The following SRARP variants were observed in gnomAD, a reference collection of about 807,000 sequenced individuals.
SRARP encodes the protein steroid receptor-associated and regulated protein.
SRARP carries 5 observed loss-of-function variants against 3.6 expected under a neutral mutation model. That is an observed-to-expected ratio of 1.39 (90% CI 0.73 to 2.93). The LOEUF is 2.93. SRARP is among the 30% of genes most tolerant of loss of function. The probability of loss-of-function intolerance (pLI) is 0.00; values close to 1 mark genes in which losing one functional copy is unlikely to be tolerated. For missense variants in SRARP, 215 were observed against 216.7 expected (o/e 0.99, Z 0.05); for synonymous variants, 96 against 91.6 (o/e 1.05, Z -0.27).
Position 16,006,459 on chromosome 1 carries a change from G to T in SRARP, c.*113G>T. 8.4e-7 allele frequency: 1 copy of T among 1,190,996 alleles called. No homozygotes were observed. The highest frequency in any genetic ancestry group is 1.2e-6 in the Non-Finnish European group (1 of 863,924). 73.8% of individuals were successfully genotyped at this position (1,190,996 alleles called of 1,614,324 possible). A position where few individuals can be genotyped will look rare whatever the true frequency, so the allele number is the denominator to read the frequency against. ...GAGCCAAGGAAACATCATTAGATCC[G>T]CTAAGGGGCATCTGAAACATCCGTC... On this transcript the variant is annotated 3_prime_UTR_variant, in exon 2 of 2. Transcript: ENST00000329454.
intron 1 of SRARP, 99 bp from the exon 2 acceptor site, chr1:16,005,820 G>C (rs1018627868): frequency 8.1e-7 from 1 of 1,235,996 alleles, no homozygotes; most frequent in African/African-American, 1.5e-5. Flanking sequence ...GCTGCAGTGA[G>C]CCATGACCTC....
At chr1:16,004,542 A>G (rs1478562271) in intron 1 of SRARP, among the ~76,000 whole-genome samples, 157 bp downstream of exon 1, 1 of 151,942 alleles carries the variant, frequency 6.6e-6, no homozygotes, top group Non-Finnish European at 1.5e-5. Context: ...GTGAAACCCC[A>G]TATCTGCTAA....
rs1186073348 is a variant in SRARP at position 16,006,132 on chromosome 1, G to T, written c.296G>T (p.Gly99Val). ...CATCTGACTCGGGTGACCCCCATGGGTGGGGGATGCCTTGCCCAGGCCAGG... is the reference window on the plus strand; with the variant it reads ...CATCTGACTCGGGTGACCCCCATGGTTGGGGGATGCCTTGCCCAGGCCAGG... ...WPHLTRVTPM[G>V]GGCLAQARAT... Residue 99 changes from glycine (G) to valine (V), a missense_variant, in exon 2 of 2, where the codon GGT becomes GTT. Transcript: ENST00000329454. The T allele has an allele frequency of 1.2e-6, 2 of 1,613,872 alleles. No individual in the cohort carries two copies. The highest frequency in any genetic ancestry group is 1.7e-5 in the Admixed American group (1 of 60,022).
In SRARP at chr1:16,004,362, A is replaced by C; in HGVS notation, c.59A>C (p.Glu20Ala). Residue 20 changes from glutamate (E) to alanine (A), a missense_variant, in exon 1 of 2, where the codon GAG becomes GCG. Glu to Ala is a moderately radical substitution (Grantham distance 107, BLOSUM62 -1). Transcript: ENST00000329454. Reference protein sequence around the residue: ...WRANLKGTIRETGLETSSGGK... With the variant: ...WRANLKGTIRATGLETSSGGK... ...GCCAACCTCAAAGGCACCATCCGTG[A>C]GACAGGCCTGGAGACCAGCTCCGGT... 6.2e-7 allele frequency: 1 copy of C among 1,608,728 alleles called. No individual in the cohort carries two copies. Among genetic ancestry groups the C allele is most frequent in the Non-Finnish European group, 8.5e-7 (1 of 1,177,942 alleles).
chr1:16,005,252 T>C (rs1425631193), intron 1 of SRARP, among the ~76,000 whole-genome samples: 1 of 152,150 alleles, frequency 6.6e-6, no homozygotes, highest in Non-Finnish European at 1.5e-5. Context: ...ACTGTGCTTT[T>C]CATAATATGG....
rs995919471 is a variant in SRARP at position 16,008,668 on chromosome 1, GTGGTGGGCACCTA to G, written c.*2324_*2336del. 2 of 152,244 alleles carry G rather than the reference GTGGTGGGCACCTA, an allele frequency of 1.3e-5. No individual in the cohort carries two copies. Among genetic ancestry groups the G allele is most frequent in the Non-Finnish European group, 2.9e-5 (2 of 68,062 alleles). The allele number at this position is 152,244 out of a possible 1,614,324, so 9.4% of individuals were successfully genotyped here. The stretch of plus-strand genomic sequence containing the variant: ...AAAATATAAAAATTAGCTGGGCGTG[GTGGTGGGCACCTA>G]TAATCCCAGCTACTTGGGAAGCTGA... On this transcript the variant is annotated 3_prime_UTR_variant, in exon 2 of 2. Coordinates refer to ENST00000329454, the MANE Select transcript of SRARP (RefSeq NM_178840.4).
intron 1 of SRARP, among the ~76,000 whole-genome samples, chr1:16,005,176 G>T (rs2073120007): frequency 6.6e-6 from 1 of 152,160 alleles, no homozygotes; most frequent in Admixed American, 6.5e-5. Context: ...ACCAACACTT[G>T]TGCAGGCTGA....
chr1:16,004,688 T>G (rs1287578787), intron 1 of SRARP, among the ~76,000 whole-genome samples: 10 of 121,862 alleles, frequency 8.2e-5, no homozygotes, highest in Non-Finnish European at 1.6e-5. Flanking sequence ...CACTCCAGCC[T>G]GAGCAACAGT....
Position 16,004,356 on chromosome 1 carries a change from T to A in SRARP, c.53T>A (p.Ile18Asn), listed in dbSNP as rs1389567842. The change falls in exon 1 of 2, where the codon ATC (isoleucine) becomes AAC (asparagine). Residue 18 changes from isoleucine to asparagine, a missense_variant. By Grantham distance (149) the Ile-to-Asn change is moderately radical (BLOSUM62 -3). Coordinates refer to ENST00000329454, the MANE Select transcript of SRARP (RefSeq NM_178840.4). ...RDWRANLKGT[I>N]RETGLETSSG... The stretch of plus-strand genomic sequence containing the variant: ...TGGAGAGCCAACCTCAAAGGCACCA[T>A]CCGTGAGACAGGCCTGGAGACCAGC... The A allele has an allele frequency of 1.9e-6, 3 of 1,609,148 alleles. No homozygotes were observed. The South Asian group carries it at 3.3e-5, about 18-fold the overall frequency.
rs780003949 is a variant in SRARP, at chr1:16,006,287, G to T, written c.451G>T (p.Gly151Ter). ...KAAPVRSSTWGTVKDSLKALS... is the reference protein window; with the variant it reads ...KAAPVRSSTW ...TGCGCCTGTGAGGTCTTCAACTTGG[G>T]GAACAGTCAAGGACTCACTGAAAGC... The change falls in exon 2 of 2, where the codon GGA becomes TGA. Residue 151 changes from glycine to a stop codon, truncating the protein, a stop_gained. Coordinates refer to ENST00000329454, the MANE Select transcript of SRARP (RefSeq NM_178840.4). LOFTEE classifies it high-confidence loss of function. 14 of 1,613,528 alleles carry T rather than the reference G, an allele frequency of 8.7e-6. No individual in the cohort carries two copies. The East Asian group carries it at 3.1e-4, about 36-fold the overall frequency.
intron 1 of SRARP, among the ~76,000 whole-genome samples, chr1:16,005,380 T>C (rs757490327): frequency 6.6e-6 from 1 of 152,124 alleles, no homozygotes; most frequent in Non-Finnish European, 1.5e-5. Flanking sequence ...AGGCAGCTCA[T>C]GGGAACAGCA....
rs748058881 is a variant in SRARP at position 16,006,314 on chromosome 1, C to G, written c.478C>G (p.Leu160Val). The change falls in exon 2 of 2, where the codon CTC becomes GTC. Residue 160 changes from leucine (L) to valine (V), a missense_variant. Coordinates refer to ENST00000329454, the MANE Select transcript of SRARP (RefSeq NM_178840.4). ...WGTVKDSLKA[L>V]SSCVCGQAD The stretch of plus-strand genomic sequence containing the variant: ...AACAGTCAAGGACTCACTGAAAGCC[C>G]TCTCCTCTTGTGTCTGTGGGCAGGC... 6.2e-7 allele frequency: 1 copy of G among 1,607,884 alleles called. No individual in the cohort carries two copies. Among genetic ancestry groups the G allele is most frequent in the Non-Finnish European group, 8.5e-7 (1 of 1,177,830 alleles).
rs1416007373 is a variant in SRARP, at chr1:16,006,064, A to C, written c.228A>C (p.Pro76=). ...GTCCCAATCGAGGGCTTGTCACCCC[A>C]CCAATGAAGACCTACATCGTGTTCT... ...APSPNRGLVT[P]PMKTYIVFCG... Residue 76 remains proline (P), a synonymous_variant, in exon 2 of 2, where the codon CCA becomes CCC. Transcript: ENST00000329454. The C allele has an allele frequency of 8.1e-6, 13 of 1,613,508 alleles. No homozygotes were observed. The highest frequency in any genetic ancestry group is 1.0e-5 in the Non-Finnish European group (12 of 1,179,892).
chr1:16,006,131 G>C lies in SRARP; in HGVS notation c.295G>C (p.Gly99Arg). The C allele has an allele frequency of 1.2e-6, 2 of 1,613,836 alleles. No individual in the cohort carries two copies. Among genetic ancestry groups the C allele is most frequent in the Non-Finnish European group, 1.7e-6 (2 of 1,179,942 alleles). ...WPHLTRVTPM[G>R]GGCLAQARAT... is the part of the protein sequence containing the mutation. The stretch of plus-strand genomic sequence containing the variant: ...CCATCTGACTCGGGTGACCCCCATG[G>C]GTGGGGGATGCCTTGCCCAGGCCAG... Residue 99 changes from glycine (G) to arginine (R), a missense_variant, in exon 2 of 2, where the codon GGT (glycine) becomes CGT (arginine). Gly to Arg is a moderately radical substitution (Grantham distance 125, BLOSUM62 -2). Transcript: ENST00000329454.
chr1:16,004,303 C>G lies in SRARP; in HGVS notation c.-1C>G. ...AGCTAGGCAGGCGCCGAAGTAGCCG[C>G]ATGGCCCCGTCAGAAGACCCCAGGG... On this transcript the variant is annotated 5_prime_UTR_variant, in exon 1 of 2. Coordinates refer to ENST00000329454, the MANE Select transcript of SRARP (RefSeq NM_178840.4). 1 of 1,598,902 alleles carries G rather than the reference C, an allele frequency of 6.3e-7. No individual in the cohort carries two copies. Among genetic ancestry groups the G allele is most frequent in the Non-Finnish European group, 8.5e-7 (1 of 1,173,216 alleles).
chr1:16,006,283 T>C lies in SRARP; in HGVS notation c.447T>C (p.Thr149=), dbSNP rs1162443608. ...AGGCTGCGCCTGTGAGGTCTTCAAC[T>C]TGGGGAACAGTCAAGGACTCACTGA... ...PVKAAPVRSS[T]WGTVKDSLKA... Residue 149 remains threonine (T), a synonymous_variant, in exon 2 of 2, where the codon ACT becomes ACC. Coordinates refer to ENST00000329454, the MANE Select transcript of SRARP (RefSeq NM_178840.4). 1.2e-5 allele frequency: 19 copies of C among 1,613,742 alleles called. No homozygotes were observed. Among genetic ancestry groups the C allele is most frequent in the Non-Finnish European group, 1.6e-5 (19 of 1,180,020 alleles).
In SRARP at chr1:16,006,278, TC is replaced by T. The variant is rs763669130; in HGVS notation, c.443del (p.Ser148Ter). The T allele has an allele frequency of 2.5e-6, 4 of 1,613,656 alleles. No homozygotes were observed. Among genetic ancestry groups the T allele is most frequent in the Non-Finnish European group, 3.4e-6 (4 of 1,180,026 alleles). On this transcript the variant is annotated frameshift_variant, in exon 2 of 2. Transcript: ENST00000329454. LOFTEE classifies it high-confidence loss of function. ...CGTGAAGGCTGCGCCTGTGAGGTCTTCAACTTGGGGAACAGTCAAGGACTCA... is the reference window on the plus strand; with the variant it reads ...CGTGAAGGCTGCGCCTGTGAGGTCTTAACTTGGGGAACAGTCAAGGACTCA... ...KPVKAAPVRS[S>X]TWGTVKDSLK...
At position 16,007,863 on chromosome 1, in the gene SRARP, G is replaced by C. The variant is rs2073138845; in HGVS notation, c.*1517G>C. On this transcript the variant is annotated 3_prime_UTR_variant, in exon 2 of 2. Transcript: ENST00000329454. ...GCACTGTATTTGTGACCATTTTATA[G>C]ATTAGAGAGCTGAGGCACAGAGAGG... 6.6e-6 allele frequency: 1 copy of C among 152,198 alleles called. No homozygotes were observed. The highest frequency in any genetic ancestry group is 1.5e-5 in the Non-Finnish European group (1 of 68,034). The allele number at this position is 152,198 out of a possible 1,614,324, so 9.4% of individuals were successfully genotyped here. A position where few individuals can be genotyped will look rare whatever the true frequency, so the allele number is the denominator to read the frequency against.
At position 16,006,518 on chromosome 1, in the gene SRARP, G is replaced by A. The variant is rs1433955649; in HGVS notation, c.*172G>A. 1.5e-6 allele frequency: 1 copy of A among 670,588 alleles called. No individual in the cohort carries two copies. Among genetic ancestry groups the A allele is most frequent in the Non-Finnish European group, 2.5e-6 (1 of 403,760 alleles). 41.5% of individuals were successfully genotyped at this position (670,588 alleles called of 1,614,324 possible). A position where few individuals can be genotyped will look rare whatever the true frequency, so the allele number is the denominator to read the frequency against. ...GAGGCAGGATAAGTCACCTGCACAT[G>A]AAGAGACTCATTCATTCATACAGCA... On this transcript the variant is annotated 3_prime_UTR_variant, in exon 2 of 2. Transcript: ENST00000329454.
Sources: gnomAD v4.1 joint callset for allele counts (sites outside exome capture counted in the v4.1 genomes callset) on GRCh38, gnomAD v4.1.1 for gene constraint, MANE v1.5 for transcripts, NCBI Gene and HGNC (gene_info 2026-07-23, HGNC 2026-07-21) for gene names.